ANTKMT: variants seen among roughly 807,000 people sequenced by gnomAD.
ANTKMT encodes adenine nucleotide translocase lysine N-methyltransferase.
In ANTKMT, 24 loss-of-function variants were observed where a neutral mutation model predicts 20.7. The ratio of observed to expected loss-of-function variants is 1.16; its 90% confidence interval spans 0.84 to 1.63. The LOEUF (loss-of-function observed/expected upper bound fraction) is 1.63, where lower values mean the gene tolerates loss of function less well. Ranked by LOEUF, ANTKMT falls within the 40% of genes most tolerant of loss-of-function variation. The pLI, the probability that ANTKMT is intolerant of heterozygous loss-of-function variation, is 0.00. For missense variants in ANTKMT, 428 were observed against 334.8 expected, an observed-to-expected ratio of 1.28 and a Z score of -2.17; for synonymous variants, 193 against 161.2, an observed-to-expected ratio of 1.20 and a Z score of -1.49.
In ANTKMT at chr16:722,478, C is replaced by G; in HGVS notation, c.629C>G (p.Ser210Cys). The G allele has an allele frequency of 1.9e-6, 3 of 1,612,352 alleles. No homozygotes were observed. The highest frequency in any genetic ancestry group is 1.3e-5 in the African/African-American group (1 of 75,056). The change falls in exon 5 of 5, where the codon TCC (serine) becomes TGC (cysteine). Residue 210 changes from serine to cysteine, a missense_variant. Transcript: ENST00000569529. ...GGTGGGCAGGCTGGGGAGGCCGCCT[C>G]CTCGCGGATACCCATCCAGGCTGCC... The part of the protein sequence containing the change: ...PEGGQAGEAA[S>C]SRIPIQAAPG...
rs747920031 is a variant in ANTKMT at position 721,325 on chromosome 16, G to T, written c.51G>T (p.Arg17=). The part of the protein sequence containing the change: ...VEALTELRER[R]LGALELLQAA... Reference sequence around the variant, plus strand: ...CGCTGACGGAGCTGCGCGAGCGGCGGCTGGGCGCGCTGGAGCTGCTGCAGG... The same window carrying T: ...CGCTGACGGAGCTGCGCGAGCGGCGTCTGGGCGCGCTGGAGCTGCTGCAGG... The change falls in exon 1 of 5, where the codon CGG becomes CGT. Residue 17 remains arginine (R), a synonymous_variant. Coordinates refer to ENST00000569529, the MANE Select transcript of ANTKMT (RefSeq NM_023933.3). The T allele has an allele frequency of 5.9e-6, 8 of 1,350,340 alleles. No individual in the cohort carries two copies. The highest frequency in any genetic ancestry group is 3.3e-5 in the Admixed American group (1 of 30,366). The allele number at this position is 1,350,340 out of a possible 1,614,324, so 83.6% of individuals were successfully genotyped here. A position where few individuals can be genotyped will look rare whatever the true frequency, so the allele number is the denominator to read the frequency against.
At chr16:721,537 T>C (rs2040228271) in intron 1 of ANTKMT, 61 bp from the exon 2 acceptor site, 4 of 1,479,252 alleles carry the variant, frequency 2.7e-6, no homozygotes, top group Non-Finnish European at 3.6e-6. Context: ...GTGTGGTAGT[T>C]CGGGCCGGGC....
Position 721,784 on chromosome 16 carries a change from A to ACT in ANTKMT, c.268-13_268-12dup, listed in dbSNP as rs1567306951. The ACT allele has an allele frequency of 6.5e-7, 1 of 1,529,030 alleles. No homozygotes were observed. The highest frequency in any genetic ancestry group is 8.8e-7 in the Non-Finnish European group (1 of 1,139,416). 94.7% of individuals were successfully genotyped at this position (1,529,030 alleles called of 1,614,324 possible). A position where few individuals can be genotyped will look rare whatever the true frequency, so the allele number is the denominator to read the frequency against. ...CCCCTGCCCACATCCTGGTTCCCAC[A>ACT]CTCTCGGTGCCCACAGGTGCTGGCG... On this transcript the variant is annotated splice_polypyrimidine_tract_variant and intron_variant, in intron 2 of 4. Transcript: ENST00000569529.
Position 722,315 on chromosome 16 carries a change from C to A in ANTKMT, c.466C>A (p.Leu156Met), listed in dbSNP as rs1208300742. 1 of 1,608,664 alleles carries A rather than the reference C, an allele frequency of 6.2e-7. No homozygotes were observed. The highest frequency in any genetic ancestry group is 1.1e-5 in the South Asian group (1 of 90,376). The change falls in exon 5 of 5, where the codon CTG (leucine) becomes ATG (methionine). Residue 156 changes from leucine (L) to methionine (M), a missense_variant. Leu to Met is a conservative substitution (Grantham distance 15). Coordinates refer to ENST00000569529, the MANE Select transcript of ANTKMT (RefSeq NM_023933.3). ...SVFLAPSVLP[L>M]LEDKLRTELP... ...CTGCTGTTCTCTCCCTCAGCTCCCGCTGCTGGAGGACAAGCTGCGGACAGA... is the reference window on the plus strand; with the variant it reads ...CTGCTGTTCTCTCCCTCAGCTCCCGATGCTGGAGGACAAGCTGCGGACAGA...
rs2040216948 is a variant in ANTKMT, at chr16:721,193, C to T, written c.-82C>T. The T allele has an allele frequency of 2.5e-6, 3 of 1,191,296 alleles. No individual in the cohort carries two copies. The highest frequency in any genetic ancestry group is 8.0e-5 in the South Asian group (2 of 25,018). The allele number at this position is 1,191,296 out of a possible 1,614,324, so 73.8% of individuals were successfully genotyped here. A position where few individuals can be genotyped will look rare whatever the true frequency, so the allele number is the denominator to read the frequency against. Reference sequence around the variant, plus strand: ...TCCCGGCAGGAGGCAGAGGGCACACCGCCAGCCCCAGGCCAGGCTGCGAGG... The same window carrying T: ...TCCCGGCAGGAGGCAGAGGGCACACTGCCAGCCCCAGGCCAGGCTGCGAGG... On this transcript the variant is annotated 5_prime_UTR_variant, in exon 1 of 5. Coordinates refer to ENST00000569529, the MANE Select transcript of ANTKMT (RefSeq NM_023933.3).
chr16:721,652 C>T lies in ANTKMT; in HGVS notation c.217C>T (p.Arg73Ter). ...GGTGGAGCACGTGTTGTCGCTGCTG[C>T]GAGGACGCCCCGGAAAAACGGTGGA... ...RQVEHVLSLL[R>*]GRPGKTVDLG... Residue 73 changes from arginine (R) to a stop codon, truncating the protein, a stop_gained, in exon 2 of 5, where the codon CGA becomes TGA. Coordinates refer to ENST00000569529, the MANE Select transcript of ANTKMT (RefSeq NM_023933.3). LOFTEE classifies it high-confidence loss of function. The T allele has an allele frequency of 1.3e-6, 2 of 1,550,384 alleles. No individual in the cohort carries two copies. Among genetic ancestry groups the T allele is most frequent in the East Asian group, 4.9e-5 (2 of 40,890 alleles).
chr16:722,223 G>C, intron 4 of ANTKMT, 86 bp from the exon 5 acceptor site: 1 of 1,585,098 alleles, frequency 6.3e-7, no homozygotes, highest in South Asian at 1.1e-5. Context: ...CCTGGTGGGT[G>C]CTAGGCTTGG....
rs1040710258 is a variant in ANTKMT at position 721,250 on chromosome 16, C to T, written c.-25C>T. On this transcript the variant is annotated 5_prime_UTR_variant, in exon 1 of 5. Coordinates refer to ENST00000569529, the MANE Select transcript of ANTKMT (RefSeq NM_023933.3). The stretch of plus-strand genomic sequence containing the variant: ...GACCCGAGCCGGGAAGGACCTTGGG[C>T]GGACGAGCCGCGCGTCCCGCAGCCA... 14 of 1,258,540 alleles carry T rather than the reference C, an allele frequency of 1.1e-5. No individual in the cohort carries two copies. In the African/African-American group the frequency reaches 2.0e-4, roughly 18 times the overall value. The allele number at this position is 1,258,540 out of a possible 1,614,324, so 78.0% of individuals were successfully genotyped here.
chr16:722,441 G>A lies in ANTKMT; in HGVS notation c.592G>A (p.Asp198Asn). Residue 198 changes from aspartate to asparagine, a missense_variant, in exon 5 of 5, where the codon GAT becomes AAT. Physicochemically the swap from Asp to Asn is conservative, Grantham distance 23. Coordinates refer to ENST00000569529, the MANE Select transcript of ANTKMT (RefSeq NM_023933.3). ...GEGLDRVWAYDVPEGGQAGEA... is the reference protein window; with the variant it reads ...GEGLDRVWAYNVPEGGQAGEA... ...GGGCCTGGACCGAGTATGGGCTTAT[G>A]ATGTTCCTGAGGGTGGGCAGGCTGG... 6.2e-7 allele frequency: 1 copy of A among 1,610,578 alleles called. No individual in the cohort carries two copies. The highest frequency in any genetic ancestry group is 1.7e-4 in the Middle Eastern group (1 of 6,056).
chr16:721,377 T>C lies in ANTKMT; in HGVS notation c.103T>C (p.Tyr35His), dbSNP rs925321587. The change falls in exon 1 of 5, where the codon TAC (tyrosine) becomes CAC (histidine). Residue 35 changes from tyrosine (Y) to histidine (H), a missense_variant. Transcript: ENST00000569529. ...QAAAGSGLAA[Y>H]AVWALLLQPG... The stretch of plus-strand genomic sequence containing the variant: ...GGCGGCCGGCTCGGGCTTGGCAGCC[T>C]ACGCGGTGTGGGCGCTGCTGCTCCA... The C allele has an allele frequency of 6.8e-6, 9 of 1,322,806 alleles. No homozygotes were observed. In the African/African-American group the frequency reaches 1.2e-4, roughly 18 times the overall value. The allele number at this position is 1,322,806 out of a possible 1,614,324, so 81.9% of individuals were successfully genotyped here.
chr16:721,906 G>A lies in ANTKMT; in HGVS notation c.373G>A (p.Gly125Ser), dbSNP rs374348606. Residue 125 changes from glycine (G) to serine (S), a missense_variant, in exon 3 of 5, where the codon GGC (glycine) becomes AGC (serine). By Grantham distance (56) the Gly-to-Ser change is moderately conservative (BLOSUM62 0). Coordinates refer to ENST00000569529, the MANE Select transcript of ANTKMT (RefSeq NM_023933.3). ...RLHAWRAGCA[G>S]SVCYRRKDLW... ...GCACGCCTGGAGGGCCGGCTGTGCC[G>A]GCAGCGTCTGCTATCGCCGCAAGGA... 2 of 1,571,210 alleles carry A rather than the reference G, an allele frequency of 1.3e-6. No homozygotes were observed. The highest frequency in any genetic ancestry group is 2.3e-5 in the East Asian group (1 of 43,808).
At chr16:722,028 G>T in intron 3 of ANTKMT, 56 bp from the exon 4 acceptor site, 8 of 1,562,264 alleles carry the variant, frequency 5.1e-6, no homozygotes, top group Non-Finnish European at 6.9e-6. Context: ...CGGAAGCTGC[G>T]ATGACCCGGT....
Position 721,838 on chromosome 16 carries a change from TG to T in ANTKMT, c.308del (p.Gly103AlafsTer4). 6.4e-7 allele frequency: 1 copy of T among 1,560,476 alleles called. No homozygotes were observed. Among genetic ancestry groups the T allele is most frequent in the Non-Finnish European group, 8.6e-7 (1 of 1,158,510 alleles). ...AAHRCGLRPA[V>X]GYELNPWLVA... is the part of the protein sequence containing the mutation. Reference sequence around the variant, plus strand: ...CACAGGTGCGGCCTCCGCCCGGCCGTGGGCTACGAGCTGAACCCCTGGCTGG... The same window carrying T: ...CACAGGTGCGGCCTCCGCCCGGCCGTGGCTACGAGCTGAACCCCTGGCTGG... On this transcript the variant is annotated frameshift_variant, in exon 3 of 5. Transcript: ENST00000569529. LOFTEE classifies it high-confidence loss of function.
At position 722,442 on chromosome 16, in the gene ANTKMT, A is replaced by G; in HGVS notation, c.593A>G (p.Asp198Gly). Residue 198 changes from aspartate to glycine, a missense_variant, in exon 5 of 5, where the codon GAT (aspartate) becomes GGT (glycine). Asp to Gly is a moderately conservative substitution (Grantham distance 94). Coordinates refer to ENST00000569529, the MANE Select transcript of ANTKMT (RefSeq NM_023933.3). ...GEGLDRVWAY[D>G]VPEGGQAGEA... ...GGCCTGGACCGAGTATGGGCTTATG[A>G]TGTTCCTGAGGGTGGGCAGGCTGGG... 1 of 1,610,628 alleles carries G rather than the reference A, an allele frequency of 6.2e-7. No homozygotes were observed. The highest frequency in any genetic ancestry group is 8.5e-7 in the Non-Finnish European group (1 of 1,178,950).
In ANTKMT at chr16:721,316, C is replaced by A; in HGVS notation, c.42C>A (p.Arg14=). Residue 14 remains arginine (R), a synonymous_variant, in exon 1 of 5, where the codon CGC becomes CGA. Coordinates refer to ENST00000569529, the MANE Select transcript of ANTKMT (RefSeq NM_023933.3). ...DDPVEALTEL[R]ERRLGALELL... ...CGGTCGAGGCGCTGACGGAGCTGCG[C>A]GAGCGGCGGCTGGGCGCGCTGGAGC... 1 of 1,348,582 alleles carries A rather than the reference C, an allele frequency of 7.4e-7. No individual in the cohort carries two copies. Among genetic ancestry groups the A allele is most frequent in the Non-Finnish European group, 9.5e-7 (1 of 1,050,336 alleles). The allele number at this position is 1,348,582 out of a possible 1,614,324, so 83.5% of individuals were successfully genotyped here.
chr16:722,056 C>T (rs2040247168), intron 3 of ANTKMT, 28 bp from the exon 4 acceptor site: 1 of 1,588,732 alleles, frequency 6.3e-7, no homozygotes, highest in Non-Finnish European at 8.5e-7. Context: ...AGGCCTCTCC[C>T]CGGCCGGGGC....
rs11867009 is a variant in ANTKMT, at chr16:722,141, G to C, written c.459+7G>C. 821,153 of 1,602,742 alleles carry C rather than the reference G, an allele frequency of 0.51. 220,705 individuals carry two copies. The highest frequency in any genetic ancestry group is 0.81 in the East Asian group (35,533 of 43,978). ...GTTCCTGGCCCCTAGCGTGGTAGGT[G>C]CGGGGTTGCCAGCCCCGCTGGGAAG... On this transcript the variant is annotated splice_region_variant and intron_variant, in intron 4 of 4. Transcript: ENST00000569529.
In ANTKMT at chr16:721,984, C is replaced by T. The variant is rs748850297; in HGVS notation, c.408+43C>T. 4 of 1,554,988 alleles carry T rather than the reference C, an allele frequency of 2.6e-6. No individual in the cohort carries two copies. The East Asian group carries it at 9.3e-5, about 36-fold the overall frequency. On this transcript the variant is annotated intron_variant, in intron 3 of 4. Coordinates refer to ENST00000569529, the MANE Select transcript of ANTKMT (RefSeq NM_023933.3). Reference sequence around the variant, plus strand: ...GGCCACCCGCTGACAGCCCAAGGTGCGGCTGACACCTGCGAGGGCTGGGGG... The same window carrying T: ...GGCCACCCGCTGACAGCCCAAGGTGTGGCTGACACCTGCGAGGGCTGGGGG...
At position 722,558 on chromosome 16, in the gene ANTKMT, G is replaced by A. The variant is rs1567309361; in HGVS notation, c.*1G>A. 7 of 1,341,166 alleles carry A rather than the reference G, an allele frequency of 5.2e-6. No individual in the cohort carries two copies. Among genetic ancestry groups the A allele is most frequent in the South Asian group, 2.3e-5 (2 of 87,640 alleles). 83.1% of individuals were successfully genotyped at this position (1,341,166 alleles called of 1,614,324 possible). A position where few individuals can be genotyped will look rare whatever the true frequency, so the allele number is the denominator to read the frequency against. Reference sequence around the variant, plus strand: ...GGGCCTTATTTCTCAGGCCAGCTGAGTATTAGACACGATAAAGACTCTGTG... The same window carrying A: ...GGGCCTTATTTCTCAGGCCAGCTGAATATTAGACACGATAAAGACTCTGTG... On this transcript the variant is annotated 3_prime_UTR_variant, in exon 5 of 5. Transcript: ENST00000569529.
Sources: allele counts gnomAD v4.1 joint callset, GRCh38; gene constraint gnomAD v4.1.1; transcripts MANE v1.5; gene names NCBI Gene and HGNC (gene_info 2026-07-23, HGNC 2026-07-21).